KCNH8: variants seen among roughly 807,000 people sequenced by gnomAD.
KCNH8 encodes potassium voltage-gated channel subfamily H member 8, also known as voltage-gated delayed rectifier potassium channel KCNH8.
Under a neutral mutation model 103.6 loss-of-function variants are expected in KCNH8, and 70 were observed. The observed-to-expected ratio is 0.68, with a 90% CI of 0.56 to 0.82. KCNH8 has a LOEUF of 0.82. KCNH8 is among the 40% of genes least tolerant of loss of function. The pLI, the probability that KCNH8 is intolerant of heterozygous loss-of-function variation, is 0.00. For missense variants in KCNH8, 1,217 were observed against 1,329.9 expected (o/e 0.92, Z 1.32); for synonymous variants, 498 against 489.4 (o/e 1.02, Z -0.23).
intron 7 of KCNH8, among the ~76,000 whole-genome samples, chr3:19,433,309 A>G (rs2067150387): frequency 6.6e-6 from 1 of 152,188 alleles, no homozygotes; most frequent in Non-Finnish European, 1.5e-5. Context: ...TGAGAATGTG[A>G]AAATCTGCCA....
At chr3:19,440,799 T>A (rs186658068) in intron 8 of KCNH8, among the ~76,000 whole-genome samples, 1 of 152,330 alleles carries the variant, frequency 6.6e-6, no homozygotes, top group East Asian at 1.9e-4. Flanking sequence ...CCATTCTCTG[T>A]TCTAAGTGTT....
chr3:19,498,857 GC>G (rs2068508643), intron 11 of KCNH8, among the ~76,000 whole-genome samples: 1 of 151,610 alleles, frequency 6.6e-6, no homozygotes, highest in South Asian at 2.1e-4. Context: ...GTGTCAGTCT[GC>G]CCCTGTTGGG....
intron 11 of KCNH8, among the ~76,000 whole-genome samples, chr3:19,479,369 G>C: frequency 6.6e-6 from 1 of 152,248 alleles, no homozygotes; most frequent in Middle Eastern, 3.4e-3. Flanking sequence ...ATTGGAAAAT[G>C]TTAAAATATC....
At chr3:19,404,163 T>C (rs77928365) in intron 7 of KCNH8, among the ~76,000 whole-genome samples, 3,766 of 152,034 alleles carry the variant, frequency 0.025, 70 homozygotes, top group Middle Eastern at 0.041. Flanking sequence ...ATCCTGTTGC[T>C]TTTTCTGTAT....
At chr3:19,298,788 G>A (rs1002869076) in intron 3 of KCNH8, among the ~76,000 whole-genome samples, 2 of 152,016 alleles carry the variant, frequency 1.3e-5, no homozygotes, top group African/African-American at 2.4e-5. Context: ...CGGGCCTGGT[G>A]GCGGGTGCCT....
intron 1 of KCNH8, among the ~76,000 whole-genome samples, chr3:19,166,891 G>A (rs1251185907): frequency 6.6e-6 from 1 of 152,150 alleles, no homozygotes; most frequent in Non-Finnish European, 1.5e-5. Context: ...TTGACCCAAG[G>A]TGACAAGGCC....
At chr3:19,186,429 C>A (rs1196653451) in intron 1 of KCNH8, among the ~76,000 whole-genome samples, 3 of 151,904 alleles carry the variant, frequency 2.0e-5, no homozygotes, top group Non-Finnish European at 4.4e-5. Flanking sequence ...TGGCATTTCA[C>A]AAATTATTGT....
At chr3:19,377,795 G>T (rs2066232256) in intron 5 of KCNH8, among the ~76,000 whole-genome samples, 1 of 152,154 alleles carries the variant, frequency 6.6e-6, no homozygotes, top group Admixed American at 6.6e-5. Context: ...ATTTTGATTG[G>T]ATTTTCAAGA....
At chr3:19,447,009 A>G (rs2067372313) in intron 8 of KCNH8, among the ~76,000 whole-genome samples, 1 of 151,978 alleles carries the variant, frequency 6.6e-6, no homozygotes, top group African/African-American at 2.4e-5. Flanking sequence ...AACACACAAA[A>G]AAAGAGACGC....
intron 8 of KCNH8, among the ~76,000 whole-genome samples, chr3:19,448,448 T>C (rs1016002341): frequency 6.6e-6 from 1 of 152,168 alleles, no homozygotes; most frequent in East Asian, 1.9e-4. Flanking sequence ...AGTGATTTTA[T>C]AGACATAGTG....
chr3:19,328,361 G>T (rs976461057), intron 3 of KCNH8, among the ~76,000 whole-genome samples: 9 of 152,204 alleles, frequency 5.9e-5, no homozygotes, highest in African/African-American at 2.2e-4. Flanking sequence ...TTGTAACCTT[G>T]TATTTTAATC....
At chr3:19,422,157 T>C (rs1213754950) in intron 7 of KCNH8, among the ~76,000 whole-genome samples, 1 of 152,088 alleles carries the variant, frequency 6.6e-6, no homozygotes. Context: ...AGAAAGTATA[T>C]GGTTTTGCTA....
At position 19,451,080 on chromosome 3, in the gene KCNH8, C is replaced by T. The variant is rs146817049; in HGVS notation, c.1576-75C>T. The stretch of plus-strand genomic sequence containing the variant: ...AGCAGGAGACAGTAGGAAGAGCATC[C>T]CTGCTGTCTTGCAAAGTAAATCAGT... On this transcript the variant is annotated intron_variant, in intron 9 of 15. Transcript: ENST00000328405. The T allele has an allele frequency of 2.4e-4, 340 of 1,423,376 alleles. 3 individuals are homozygous for T. In the African/African-American group the frequency reaches 4.4e-3, roughly 18 times the overall value. 88.2% of individuals were successfully genotyped at this position (1,423,376 alleles called of 1,614,324 possible).
At chr3:19,191,160 G>C (rs78454377) in intron 1 of KCNH8, among the ~76,000 whole-genome samples, 6,274 of 151,760 alleles carry the variant, frequency 0.041, 464 homozygotes, top group African/African-American at 0.14. Context: ...ATACGTTCTA[G>C]TATATGTGTG....
intron 7 of KCNH8, among the ~76,000 whole-genome samples, chr3:19,421,514 A>G (rs1236120313): frequency 1.3e-5 from 2 of 152,116 alleles, no homozygotes. Context: ...AGAGTTAAAC[A>G]ATTCCTTTAC....
At chr3:19,530,440 TA>T (rs898199687) in intron 15 of KCNH8, among the ~76,000 whole-genome samples, 2 of 152,194 alleles carry the variant, frequency 1.3e-5, no homozygotes, top group Middle Eastern at 6.8e-3. Context: ...TATATATCAG[TA>T]AAAAAAGAAT....
At chr3:19,251,816 C>A (rs2064281790) in intron 1 of KCNH8, among the ~76,000 whole-genome samples, 1 of 152,022 alleles carries the variant, frequency 6.6e-6, no homozygotes, top group Admixed American at 6.6e-5. Flanking sequence ...TCTCTAGAGA[C>A]AACACAATTA....
intron 3 of KCNH8, among the ~76,000 whole-genome samples, chr3:19,318,654 TGTGTGTGTACAC>T: frequency 9.9e-6 from 1 of 101,438 alleles, no homozygotes; most frequent in African/African-American, 4.2e-5. Context: ...TGTGTGTGTG[TGTGTGTGTACAC>T]ACACACACAC....
intron 1 of KCNH8, among the ~76,000 whole-genome samples, chr3:19,166,528 C>T (rs997688199): frequency 6.6e-6 from 1 of 152,054 alleles, no homozygotes; most frequent in African/African-American, 2.4e-5. Flanking sequence ...AGTACATAGT[C>T]CAAACTTCAA....
Sources: gnomAD v4.1 joint callset for allele counts (sites outside exome capture counted in the v4.1 genomes callset) on GRCh38, gnomAD v4.1.1 for gene constraint, MANE v1.5 for transcripts, NCBI Gene and HGNC (gene_info 2026-07-23, HGNC 2026-07-21) for gene names.